ITGB7: variants seen among roughly 807,000 people sequenced by gnomAD.
ITGB7 encodes the protein integrin subunit beta 7.
In ITGB7, 55 loss-of-function variants were observed where a neutral mutation model predicts 83.4. That is an observed-to-expected ratio of 0.66 (90% CI 0.53 to 0.83). The LOEUF is 0.83. ITGB7 is among the 40% of genes least tolerant of loss of function. ITGB7 has a pLI of 0.00. For missense variants in ITGB7, 921 were observed against 1,046.7 expected (o/e 0.88, Z 1.66); for synonymous variants, 454 against 423.6 (o/e 1.07, Z -0.88).
At chr12:53,193,053 T>C in intron 12 of ITGB7, 87 bp downstream of exon 12, 1 of 1,401,888 alleles carries the variant, frequency 7.1e-7, no homozygotes, top group Non-Finnish European at 9.9e-7. Flanking sequence ...CTTTTGATAT[T>C]TGCCTTCCAT....
chr12:53,191,656 A>T lies in ITGB7; in HGVS notation c.2317-20T>A, dbSNP rs1941948642. ...ACTGTCCTGGAGAAAGATGTTGCAG[A>T]TTATAAGCAAAAATCCCAGGATTCC... On this transcript the variant is annotated intron_variant, in intron 15 of 15. Transcript: ENST00000267082. 1 of 1,605,344 alleles carries T rather than the reference A, an allele frequency of 6.2e-7. No individual in the cohort carries two copies. Among genetic ancestry groups the T allele is most frequent in the African/African-American group, 1.3e-5 (1 of 74,714 alleles).
chr12:53,201,642 CTT>C (rs112836940), intron 1 of ITGB7, among the ~76,000 whole-genome samples: 4 of 147,900 alleles, frequency 2.7e-5, no homozygotes, highest in African/African-American at 4.9e-5. Context: ...CCCATTGGCC[CTT>C]TTTTTTTTGC....
Position 53,197,643 on chromosome 12 carries a change from C to T in ITGB7, c.424G>A (p.Val142Ile). The T allele has an allele frequency of 3.1e-6, 5 of 1,613,984 alleles. No individual in the cohort carries two copies. Among genetic ancestry groups the T allele is most frequent in the Non-Finnish European group, 4.2e-6 (5 of 1,179,928 alleles). The change falls in exon 5 of 16, where the codon GTC becomes ATC. Residue 142 changes from valine to isoleucine, a missense_variant. Transcript: ENST00000267082. ...LRPGEPQQLQ[V>I]RFLRAEGYPV... ...TATCCCTCAGCACGAAGGAAGCGGA[C>T]CTGGAGCTGCTGGGGCTCCCCTAGG...
intron 3 of ITGB7, 114 bp downstream of exon 3, chr12:53,200,129 C>T (rs1188908711): frequency 5.5e-6 from 5 of 913,648 alleles, no homozygotes; most frequent in African/African-American, 3.3e-5. Context: ...GTGGAGTGTT[C>T]CCAGAAAATC....
In ITGB7 at chr12:53,191,602, G is replaced by A. The variant is rs759773377; in HGVS notation, c.2351C>T (p.Thr784Ile). Residue 784 changes from threonine (T) to isoleucine (I), a missense_variant, in exon 16 of 16, where the codon ACC (threonine) becomes ATC (isoleucine). Thr to Ile is a moderately conservative substitution (Grantham distance 89). Coordinates refer to ENST00000267082, the MANE Select transcript of ITGB7 (RefSeq NM_000889.3). ...CTCTTGAAAGCGAGGATTGATGGTG[G>A]TCGTGATGGCACTTTTGTAGAGAGG... ...SNPLYKSAIT[T>I]TINPRFQEAD... 10 of 1,613,936 alleles carry A rather than the reference G, an allele frequency of 6.2e-6. No homozygotes were observed. In the Admixed American group the frequency reaches 1.2e-4, roughly 19 times the overall value.
At chr12:53,194,496 A>G in intron 9 of ITGB7, 152 bp from the exon 10 acceptor site, 1 of 695,062 alleles carries the variant, frequency 1.4e-6, no homozygotes, top group Non-Finnish European at 2.4e-6. Flanking sequence ...GCATTTCTGG[A>G]GGGAGGACCC....
chr12:53,193,984 C>T, intron 10 of ITGB7, 83 bp from the exon 11 acceptor site: 1 of 1,405,492 alleles, frequency 7.1e-7, no homozygotes, highest in African/African-American at 1.4e-5. Context: ...AGAACCTCAC[C>T]CCTTAGTAAA....
chr12:53,205,771 G>A (rs1942429125), intron 1 of ITGB7, among the ~76,000 whole-genome samples: 1 of 152,164 alleles, frequency 6.6e-6, no homozygotes, highest in Non-Finnish European at 1.5e-5. Flanking sequence ...CCAGAGTCAG[G>A]TCCAGATACT....
At chr12:53,198,686 G>A (rs4415850) in intron 3 of ITGB7, among the ~76,000 whole-genome samples, 1 of 150,032 alleles carries the variant, frequency 6.7e-6, no homozygotes, top group South Asian at 2.1e-4. Flanking sequence ...TTCCTGTTGA[G>A]ATCTTAGAGA....
rs773859000 is a variant in ITGB7 at position 53,194,330 on chromosome 12, G to C, written c.1176C>G (p.Thr392=). Residue 392 remains threonine, a synonymous_variant, in exon 10 of 16, where the codon ACC becomes ACG. Transcript: ENST00000267082. ...GGAGTGAAGAGTGTTCAAGGGTCAC[G>C]GTGGAAGACAGGCTCTATGGGAAGA... The part of the protein sequence containing the change: ...IMDAYNSLSS[T]VTLEHSSLPP... 8.1e-6 allele frequency: 13 copies of C among 1,613,856 alleles called. No homozygotes were observed. The Admixed American group carries it at 2.0e-4, about 25-fold the overall frequency.
Position 53,197,882 on chromosome 12 carries a change from A to G in ITGB7, c.271T>C (p.Cys91Arg). ...ARREELLARG[C>R]PLEELEEPRG... ...GGCTCCTCCAGCTCCTCCAGCGGGC[A>G]GCCTCGAGCCAGCAGCTCCTCTCGT... The change falls in exon 4 of 16, where the codon TGC (cysteine) becomes CGC (arginine). Residue 91 changes from cysteine (C) to arginine (R), a missense_variant. Physicochemically the swap from Cys to Arg is radical, Grantham distance 180. Transcript: ENST00000267082. The G allele has an allele frequency of 1.3e-6, 2 of 1,535,590 alleles. No individual in the cohort carries two copies. Among genetic ancestry groups the G allele is most frequent in the Non-Finnish European group, 1.7e-6 (2 of 1,147,788 alleles).
At chr12:53,199,219 G>C (rs1942263665) in intron 3 of ITGB7, among the ~76,000 whole-genome samples, 1 of 151,896 alleles carries the variant, frequency 6.6e-6, no homozygotes, top group Non-Finnish European at 1.5e-5. Flanking sequence ...CCCCATCCCA[G>C]CTTGGGCACC....
intron 1 of ITGB7, among the ~76,000 whole-genome samples, chr12:53,206,080 C>T (rs959630479): frequency 6.6e-6 from 1 of 152,168 alleles, no homozygotes; most frequent in Non-Finnish European, 1.5e-5. Context: ...TTAAAGGGGG[C>T]CCTGGGACTT....
chr12:53,192,749 A>G lies in ITGB7; in HGVS notation c.1888T>C (p.Tyr630His). ...KCNRCQCLDG[Y>H]YGALCDQCPG... Reference sequence around the variant, plus strand: ...CATTGGTCGCATAGAGCACCATAGTAGCCGTCCAAGCACTGGCAGCGGTTG... The same window carrying G: ...CATTGGTCGCATAGAGCACCATAGTGGCCGTCCAAGCACTGGCAGCGGTTG... Residue 630 changes from tyrosine to histidine, a missense_variant, in exon 13 of 16, where the codon TAC becomes CAC. Physicochemically the swap from Tyr to His is moderately conservative, Grantham distance 83. Transcript: ENST00000267082. 6.2e-7 allele frequency: 1 copy of G among 1,614,234 alleles called. No homozygotes were observed. Among genetic ancestry groups the G allele is most frequent in the South Asian group, 1.1e-5 (1 of 91,088 alleles).
At position 53,192,862 on chromosome 12, in the gene ITGB7, G is replaced by A. The variant is rs146341613; in HGVS notation, c.1775C>T (p.Thr592Met). ...CCCACTGCATTCGCATGCTCTGCCC[G>A]TGCGGTTGGCATGACAGTGACATAC... ...CGVCHCHANR[T>M]GRACECSGDM... Residue 592 changes from threonine to methionine, a missense_variant, in exon 13 of 16, where the codon ACG (threonine) becomes ATG (methionine). Physicochemically the swap from Thr to Met is moderately conservative, Grantham distance 81. Transcript: ENST00000267082. 3.0e-5 allele frequency: 48 copies of A among 1,614,066 alleles called. No homozygotes were observed. Among genetic ancestry groups the A allele is most frequent in the East Asian group, 6.7e-5 (3 of 44,902 alleles).
In ITGB7 at chr12:53,192,501, G is replaced by A; in HGVS notation, c.1984C>T (p.Leu662=). The change falls in exon 14 of 16, where the codon CTG becomes TTG. Residue 662 remains leucine, a synonymous_variant. Transcript: ENST00000267082. ...AECGAFRTGP[L]ATNCSTACAH... is the part of the protein sequence containing the mutation. ...CAAGCTGTACTGCAGTTGGTGGCCA[G>A]TGGGCCAGTCCTGAAGGCCCCACAC... 1.2e-6 allele frequency: 2 copies of A among 1,614,196 alleles called. No individual in the cohort carries two copies. The highest frequency in any genetic ancestry group is 1.7e-6 in the Non-Finnish European group (2 of 1,180,048).
intron 11 of ITGB7, 86 bp downstream of exon 11, chr12:53,193,622 G>A (rs894511224): frequency 2.5e-5 from 30 of 1,202,950 alleles, no homozygotes; most frequent in South Asian, 1.1e-4. Context: ...ACTCCTGTGG[G>A]GGGGATGGAA....
rs577479310 is a variant in ITGB7, at chr12:53,197,858, G to C, written c.295C>G (p.Pro99Ala). 2 of 1,531,494 alleles carry C rather than the reference G, an allele frequency of 1.3e-6. No individual in the cohort carries two copies. The highest frequency in any genetic ancestry group is 1.7e-6 in the Non-Finnish European group (2 of 1,145,086). The allele number at this position is 1,531,494 out of a possible 1,614,324, so 94.9% of individuals were successfully genotyped here. The change falls in exon 4 of 16, where the codon CCC becomes GCC. Residue 99 changes from proline (P) to alanine (A), a missense_variant. Transcript: ENST00000267082. ...RGCPLEELEEPRGQQEVLQDQ... is the reference protein window; with the variant it reads ...RGCPLEELEEARGQQEVLQDQ... ...TGCAGCACCTCCTGCTGGCCGCGGG[G>C]CTCCTCCAGCTCCTCCAGCGGGCAG...
At chr12:53,195,232 C>T in intron 9 of ITGB7, 142 bp downstream of exon 9, 1 of 650,168 alleles carries the variant, frequency 1.5e-6, no homozygotes, top group African/African-American at 1.8e-5. Flanking sequence ...ATGACAGCCA[C>T]ATGCAGACTA....
Sources: allele counts gnomAD v4.1 joint callset (sites outside exome capture counted in the v4.1 genomes callset), GRCh38; gene constraint gnomAD v4.1.1; transcripts MANE v1.5; gene names NCBI Gene and HGNC (gene_info 2026-07-23, HGNC 2026-07-21).